The following TUBGCP3 variants were observed in gnomAD, a reference collection of about 807,000 sequenced individuals.
TUBGCP3 encodes the protein tubulin gamma complex component 3.
Under a neutral mutation model 123.1 loss-of-function variants are expected in TUBGCP3, and 50 were observed. That is an observed-to-expected ratio of 0.41 (90% CI 0.32 to 0.51). TUBGCP3 has a LOEUF of 0.51. TUBGCP3 is among the 20% of genes least tolerant of loss of function. TUBGCP3 has a pLI of 0.36. For synonymous variants in TUBGCP3, 405 were observed against 413.9 expected, an observed-to-expected ratio of 0.98 and a Z score of 0.26; for missense variants, 882 against 1,127.0, an observed-to-expected ratio of 0.78 and a Z score of 3.11.
At chr13:112,552,216 T>C (rs771922546) in intron 8 of TUBGCP3, among the ~76,000 whole-genome samples, 1 of 152,236 alleles carries the variant, frequency 6.6e-6, no homozygotes, top group East Asian at 1.9e-4. Context: ...GAATAAAATA[T>C]CTACATAATG....
In TUBGCP3 at chr13:112,522,323, A is replaced by G; in HGVS notation, c.1742T>C (p.Leu581Pro). 1 of 1,573,462 alleles carries G rather than the reference A, an allele frequency of 6.4e-7. No individual in the cohort carries two copies. Among genetic ancestry groups the G allele is most frequent in the Non-Finnish European group, 8.7e-7 (1 of 1,151,056 alleles). Reference sequence around the variant, plus strand: ...AGAAATCAAAATAGTGCCTTACTTTAGCAAGTCCATTAAGTGCCTTATAAA... The same window carrying G: ...AGAAATCAAAATAGTGCCTTACTTTGGCAAGTCCATTAAGTGCCTTATAAA... ...GDFIRHLMDL[L>P]KPELVRPATT... Residue 581 changes from leucine (L) to proline (P), a missense_variant, in exon 14 of 22, where the codon CTA (leucine) becomes CCA (proline). Leu to Pro is a moderately conservative substitution (Grantham distance 98). Around this residue, in one of 3 missense-constraint regions of TUBGCP3, gnomAD observed 713 missense variants for 874.0 expected, o/e 0.82. Transcript: ENST00000261965.
At position 112,490,709 on chromosome 13, in the gene TUBGCP3, C is replaced by G. The variant is rs189356556; in HGVS notation, c.2449-1012G>C. 8.5e-5 allele frequency among the ~76,000 whole-genome samples: 13 copies of G among 152,286 alleles called. No individual in the cohort carries two copies. In the East Asian group the frequency reaches 2.5e-3, roughly 29 times the overall value. On this transcript the variant is annotated intron_variant, in intron 20 of 21. Coordinates refer to ENST00000261965, the MANE Select transcript of TUBGCP3 (RefSeq NM_006322.6). ...TGTGAGATTTCTCCATCAATATTTA[C>G]AACCCAGATTTGTTTTTTCTCAGAT...
At position 112,545,737 on chromosome 13, in the gene TUBGCP3, A is replaced by G. The variant is rs1487456471; in HGVS notation, c.1297T>C (p.Trp433Arg). The change falls in exon 11 of 22, where the codon TGG becomes CGG. Residue 433 changes from tryptophan to arginine, a missense_variant. Coordinates refer to ENST00000261965, the MANE Select transcript of TUBGCP3 (RefSeq NM_006322.6). This position sits in a 1 kb window ranked among gnomAD's most constrained non-coding sequence, Gnocchi z 4.1. ...TCCTCAAGCTCCCCATCATATATCC[A>G]GCGGTACAGGAAGCTCAAAACAGGA... is the stretch of plus-strand genomic sequence containing the variant. Reference protein sequence around the residue: ...SHPVLSFLYRWIYDGELEDTY... With the variant: ...SHPVLSFLYRRIYDGELEDTY... 6.2e-7 allele frequency: 1 copy of G among 1,614,182 alleles called. No homozygotes were observed. The highest frequency in any genetic ancestry group is 8.5e-7 in the Non-Finnish European group (1 of 1,180,016).
Position 112,511,670 on chromosome 13 carries a change from C to T in TUBGCP3, c.2086+4770G>A, listed in dbSNP as rs1225768562. Among the ~76,000 whole-genome samples the T allele has an allele frequency of 1.4e-5, 2 of 147,454 alleles. No individual in the cohort carries two copies. Among genetic ancestry groups the T allele is most frequent in the South Asian group, 4.3e-4 (2 of 4,648 alleles). ...TGATACAATATGGTTAAAAGGAAAA[C>T]CAAAAAAAAAATGTAGTATGAGCTA... On this transcript the variant is annotated intron_variant, in intron 17 of 21. Coordinates refer to ENST00000261965, the MANE Select transcript of TUBGCP3 (RefSeq NM_006322.6). This position sits in a 1 kb window ranked among gnomAD's most constrained non-coding sequence, Gnocchi z 4.1.
intron 1 of TUBGCP3, among the ~76,000 whole-genome samples, chr13:112,578,760 A>G (rs1882056322): frequency 6.6e-6 from 1 of 151,948 alleles, no homozygotes; most frequent in Non-Finnish European, 1.5e-5. Flanking sequence ...CACAGCCTCC[A>G]TACTTAGCGA....
rs1555340955 is a variant in TUBGCP3, at chr13:112,537,148, TA to T, written c.1335+8550del. On this transcript the variant is annotated intron_variant, in intron 11 of 21. Coordinates refer to ENST00000261965, the MANE Select transcript of TUBGCP3 (RefSeq NM_006322.6). ...TTTCCTTTTTTTTTTTTTTTTTTTTTAAAAAAAAAAAAAACCTTGACTAATT... is the reference window on the plus strand; with the variant it reads ...TTTCCTTTTTTTTTTTTTTTTTTTTTAAAAAAAAAAAAACCTTGACTAATT... Among the ~76,000 whole-genome samples the T allele has an allele frequency of 6.5e-3, 712 of 109,068 alleles. 13 individuals carry two copies. The highest frequency in any genetic ancestry group is 0.027 in the African/African-American group (625 of 22,942). The allele number at this position is 109,068 out of a possible 152,430, so 71.6% of individuals were successfully genotyped here.
intron 11 of TUBGCP3, among the ~76,000 whole-genome samples, chr13:112,530,380 C>T (rs144055918): frequency 2.0e-5 from 3 of 152,334 alleles, no homozygotes; most frequent in Admixed American, 1.3e-4. Context: ...ACTACCACAG[C>T]CCTTTCCAAC....
At chr13:112,550,276 T>C (rs1046386714) in intron 8 of TUBGCP3, among the ~76,000 whole-genome samples, 2 of 152,196 alleles carry the variant, frequency 1.3e-5, no homozygotes, top group Admixed American at 1.3e-4. Flanking sequence ...TAAACTTGTT[T>C]TCTTTAAGTA....
intron 11 of TUBGCP3, among the ~76,000 whole-genome samples, chr13:112,529,508 A>C (rs781561521): frequency 1.7e-4 from 26 of 152,168 alleles, no homozygotes; most frequent in Admixed American, 3.9e-4. Context: ...CCTCCATCAC[A>C]GTTATGCTCT....
the TUBGCP3 span, chr13:112,605,318 A>AT: frequency 4.7e-5 from 5 of 106,256 alleles, no homozygotes; most frequent in Non-Finnish European, 7.3e-5. Flanking sequence ...AATGATAATG[A>AT]TAATAATAAT....
Position 112,548,182 on chromosome 13 carries a change from T to C in TUBGCP3, c.967-6A>G. 6.3e-7 allele frequency: 1 copy of C among 1,597,410 alleles called. No homozygotes were observed. Among genetic ancestry groups the C allele is most frequent in the Non-Finnish European group, 8.5e-7 (1 of 1,169,982 alleles). Reference sequence around the variant, plus strand: ...TGCAAGGCAGCACAAAAGCTCTGTTTGGAGGAGAAATATAATTAAAGCACG... The same window carrying C: ...TGCAAGGCAGCACAAAAGCTCTGTTCGGAGGAGAAATATAATTAAAGCACG... On this transcript the variant is annotated splice_polypyrimidine_tract_variant and splice_region_variant and intron_variant, in intron 8 of 21. Coordinates refer to ENST00000261965, the MANE Select transcript of TUBGCP3 (RefSeq NM_006322.6).
At chr13:112,503,909 T>A in intron 19 of TUBGCP3, 123 bp downstream of exon 19, 2 of 1,252,378 alleles carry the variant, frequency 1.6e-6, no homozygotes, top group South Asian at 3.4e-5. Flanking sequence ...TTTAATAAAA[T>A]TATCTGAATT....
At chr13:112,491,401 A>G (rs1165791734) in intron 20 of TUBGCP3, among the ~76,000 whole-genome samples, 1 of 152,136 alleles carries the variant, frequency 6.6e-6, no homozygotes, top group African/African-American at 2.4e-5. Context: ...TTTCTAAGTG[A>G]GTACTGATAT....
At chr13:112,537,747 C>T (rs1175933857) in intron 11 of TUBGCP3, among the ~76,000 whole-genome samples, 2 of 152,150 alleles carry the variant, frequency 1.3e-5, no homozygotes, top group South Asian at 2.1e-4. Context: ...GTAGCACTCA[C>T]CAGAGAAGCC....
chr13:112,582,517 G>A (rs1196930318), intron 1 of TUBGCP3, among the ~76,000 whole-genome samples: 1 of 152,194 alleles, frequency 6.6e-6, no homozygotes, highest in East Asian at 1.9e-4. Flanking sequence ...CACGTGAGGA[G>A]CCCAGGGACC....
intron 1 of TUBGCP3, among the ~76,000 whole-genome samples, chr13:112,574,830 C>A (rs1385463014): frequency 6.6e-6 from 1 of 152,216 alleles, no homozygotes; most frequent in Non-Finnish European, 1.5e-5. Flanking sequence ...TATCTGTTTG[C>A]TGTTTACTGC....
Position 112,565,109 on chromosome 13 carries a change from A to C in TUBGCP3, c.252+2T>G, listed in dbSNP as rs749184824. On this transcript the variant is annotated splice_donor_variant, in intron 3 of 21. Coordinates refer to ENST00000261965, the MANE Select transcript of TUBGCP3 (RefSeq NM_006322.6). LOFTEE classifies it high-confidence loss of function. ...AATGACCTCCAGAATTCTGCACTGT[A>C]CCTGTGAATGAAGTTTTCTGTGGAG... 1 of 1,613,620 alleles carries C rather than the reference A, an allele frequency of 6.2e-7. No homozygotes were observed. Among genetic ancestry groups the C allele is most frequent in the South Asian group, 1.1e-5 (1 of 91,054 alleles).
chr13:112,596,897 A>G, the TUBGCP3 span, among the ~76,000 whole-genome samples: 2 of 152,220 alleles, frequency 1.3e-5, no homozygotes, highest in East Asian at 3.8e-4. Flanking sequence ...CAAACACATG[A>G]AACTAGTGGA....
At chr13:112,528,760 G>A (rs2139098026) in intron 11 of TUBGCP3, among the ~76,000 whole-genome samples, 1 of 152,124 alleles carries the variant, frequency 6.6e-6, no homozygotes, top group African/African-American at 2.4e-5. Flanking sequence ...TGAGTTTCCT[G>A]TCTTCCTAAG....
Sources: gnomAD v4.1 joint callset for allele counts (sites outside exome capture counted in the v4.1 genomes callset) on GRCh38, gnomAD v4.1.1 for gene constraint, gnomAD v4.1.1 regional missense constraint, Gnocchi (gnomAD v3.1) non-coding constraint, MANE v1.5 for transcripts, NCBI Gene and HGNC (gene_info 2026-07-23, HGNC 2026-07-21) for gene names.